CAMK2D: variants seen among roughly 807,000 people sequenced by gnomAD.
CAMK2D encodes calcium/calmodulin-dependent protein kinase type II subunit delta.
In CAMK2D, 37 loss-of-function variants were observed where a neutral mutation model predicts 84.0. The ratio of observed to expected loss-of-function variants is 0.44; its 90% CI spans 0.34 to 0.58. The LOEUF (loss-of-function observed/expected upper bound fraction) is 0.58, where lower values mean the gene tolerates loss of function less well. Ranked by LOEUF, CAMK2D falls within the 20% of genes least tolerant of loss-of-function variation. The pLI is 0.02. For missense variants in CAMK2D, 448 were observed against 652.5 expected, an observed-to-expected ratio of 0.69 and a Z score of 3.41; for synonymous variants, 202 against 212.5, an observed-to-expected ratio of 0.95 and a Z score of 0.43.
chr4:113,547,241 A>G (rs1247048846), intron 6 of CAMK2D, among the ~76,000 whole-genome samples: 1 of 152,184 alleles, frequency 6.6e-6, no homozygotes, highest in Non-Finnish European at 1.5e-5. Flanking sequence ...ATCTCTACAC[A>G]CTTTATAATT....
At chr4:113,594,318 G>A (rs2098913114) in intron 4 of CAMK2D, among the ~76,000 whole-genome samples, 2 of 152,104 alleles carry the variant, frequency 1.3e-5, no homozygotes, top group Non-Finnish European at 1.5e-5. Flanking sequence ...GAGATCTGGT[G>A]GGGACACAGA....
intron 2 of CAMK2D, among the ~76,000 whole-genome samples, chr4:113,701,738 C>T (rs1283061593): frequency 3.3e-5 from 5 of 151,972 alleles, no homozygotes; most frequent in African/African-American, 1.2e-4. Context: ...GAAACAGGAT[C>T]TCACTCTGTT....
At chr4:113,690,038 T>C (rs1244129721) in intron 2 of CAMK2D, among the ~76,000 whole-genome samples, 1 of 152,100 alleles carries the variant, frequency 6.6e-6, no homozygotes, top group Non-Finnish European at 1.5e-5. Flanking sequence ...GGTGGGCGAA[T>C]AGGTGACATA....
intron 16 of CAMK2D, among the ~76,000 whole-genome samples, chr4:113,477,543 C>T (rs1216132353): frequency 4.0e-5 from 6 of 151,616 alleles, no homozygotes; most frequent in African/African-American, 7.3e-5. Context: ...GTCAGGAGTT[C>T]GAGACCAGCC....
chr4:113,507,002 T>C (rs1182942092), intron 13 of CAMK2D, among the ~76,000 whole-genome samples: 1 of 152,088 alleles, frequency 6.6e-6, no homozygotes, highest in Non-Finnish European at 1.5e-5. Context: ...CCATTCTTTA[T>C]TGTTAGGTAT....
At chr4:113,640,597 A>G (rs2099128853) in intron 3 of CAMK2D, among the ~76,000 whole-genome samples, 1 of 152,224 alleles carries the variant, frequency 6.6e-6, no homozygotes, top group African/African-American at 2.4e-5. Flanking sequence ...AACTATAGAG[A>G]GACATCAAGT....
At chr4:113,680,158 T>A (rs2099337878) in intron 2 of CAMK2D, among the ~76,000 whole-genome samples, 1 of 152,172 alleles carries the variant, frequency 6.6e-6, no homozygotes, top group African/African-American at 2.4e-5. Flanking sequence ...GTTCTTGTCA[T>A]TGTTCAGATT....
chr4:113,672,677 T>C (rs1447712204), intron 2 of CAMK2D, among the ~76,000 whole-genome samples: 2 of 151,560 alleles, frequency 1.3e-5, no homozygotes, highest in African/African-American at 4.8e-5. Flanking sequence ...ATTCTATTAA[T>C]TGAATTAATT....
intron 3 of CAMK2D, among the ~76,000 whole-genome samples, chr4:113,639,119 C>A (rs1367375265): frequency 2.0e-5 from 3 of 151,014 alleles, no homozygotes; most frequent in Non-Finnish European, 4.4e-5. Context: ...GTGGTGTGCA[C>A]CTGTAGCCCC....
intron 2 of CAMK2D, among the ~76,000 whole-genome samples, chr4:113,709,984 G>A (rs1450347302): frequency 1.3e-5 from 2 of 150,960 alleles, no homozygotes; most frequent in Non-Finnish European, 2.9e-5. Context: ...ATTCTGTTAT[G>A]AGAAACAAAA....
rs554946624 is a variant in CAMK2D, at chr4:113,452,951, A to T, written c.*1594T>A. On this transcript the variant is annotated 3_prime_UTR_variant, in exon 21 of 21. Transcript: ENST00000511664. The stretch of plus-strand genomic sequence containing the variant: ...ACACAGAGAGGTGAGATGAGAGAAA[A>T]GAGGAAGGGTTGTTTTTGTTATTTT... 1 of 152,712 alleles carries T rather than the reference A, an allele frequency of 6.5e-6. No individual in the cohort carries two copies. Among genetic ancestry groups the T allele is most frequent in the East Asian group, 1.9e-4 (1 of 5,192 alleles). The allele number at this position is 152,712 out of a possible 1,614,324, so 9.5% of individuals were successfully genotyped here.
At chr4:113,742,895 C>G (rs2099596188) in intron 2 of CAMK2D, among the ~76,000 whole-genome samples, 1 of 152,096 alleles carries the variant, frequency 6.6e-6, no homozygotes, top group South Asian at 2.1e-4. Context: ...ATAAATAGTA[C>G]TTTCCTACTG....
chr4:113,754,757 T>C (rs967065398), intron 2 of CAMK2D: 8 of 980,664 alleles, frequency 8.2e-6, no homozygotes, highest in African/African-American at 1.8e-5. Context: ...AAGAAGAAAA[T>C]GAATGTTTAA....
chr4:113,493,658 T>G (rs1314950294), intron 16 of CAMK2D, among the ~76,000 whole-genome samples: 2 of 151,924 alleles, frequency 1.3e-5, no homozygotes, highest in East Asian at 3.9e-4. Context: ...TTTGTGGTGT[T>G]CTCTGTATTT....
intron 2 of CAMK2D, among the ~76,000 whole-genome samples, chr4:113,747,925 G>T (rs1167167613): frequency 6.6e-6 from 1 of 152,078 alleles, no homozygotes; most frequent in Non-Finnish European, 1.5e-5. Flanking sequence ...ATCACCAAGA[G>T]TTAGAAAGTG....
At chr4:113,686,044 C>CA (rs1561829666) in intron 2 of CAMK2D, among the ~76,000 whole-genome samples, 1 of 146,786 alleles carries the variant, frequency 6.8e-6, no homozygotes, top group African/African-American at 2.5e-5. Context: ...GCCTGGGCAA[C>CA]AGAAAGAGAT....
intron 4 of CAMK2D, among the ~76,000 whole-genome samples, chr4:113,559,762 G>A (rs1409994271): frequency 1.3e-5 from 2 of 152,208 alleles, no homozygotes. Context: ...TCAGAAAAAT[G>A]AGCATTTATT....
At chr4:113,500,172 T>A (rs2098013913) in intron 16 of CAMK2D, among the ~76,000 whole-genome samples, 1 of 152,198 alleles carries the variant, frequency 6.6e-6, no homozygotes, top group African/African-American at 2.4e-5. Flanking sequence ...CAATTTGTTA[T>A]GTTCCTATAA....
At chr4:113,574,528 C>T (rs1337118359) in intron 4 of CAMK2D, among the ~76,000 whole-genome samples, 1 of 152,156 alleles carries the variant, frequency 6.6e-6, no homozygotes, top group African/African-American at 2.4e-5. Flanking sequence ...AGCCTGATTC[C>T]TCACTGCATT....
Sources: allele counts gnomAD v4.1 joint callset (sites outside exome capture counted in the v4.1 genomes callset), GRCh38; gene constraint gnomAD v4.1.1; transcripts MANE v1.5; gene names NCBI Gene and HGNC (gene_info 2026-07-23, HGNC 2026-07-21).